The following HMG20B variants were observed in gnomAD, a reference collection of about 807,000 sequenced individuals.
The protein encoded by HMG20B is high mobility group 20B.
HMG20B carries 24 observed loss-of-function variants against 41.6 expected under a neutral mutation model. That is an observed-to-expected ratio of 0.58 (90% CI 0.42 to 0.81). HMG20B has a LOEUF of 0.81. Among genes scored for constraint, HMG20B ranks in the 30% least tolerant of loss-of-function variants. The pLI is 0.00. For synonymous variants in HMG20B, 251 were observed against 186.6 expected, an observed-to-expected ratio of 1.34 and a Z score of -2.81; for missense variants, 461 against 444.0, an observed-to-expected ratio of 1.04 and a Z score of -0.34.
chr19:3,578,635 C>G lies in HMG20B; in HGVS notation c.*114C>G. The G allele has an allele frequency of 1.5e-6, 2 of 1,325,134 alleles. No homozygotes were observed. Among genetic ancestry groups the G allele is most frequent in the Non-Finnish European group, 2.1e-6 (2 of 941,620 alleles). 82.1% of individuals were successfully genotyped at this position (1,325,134 alleles called of 1,614,324 possible). A position where few individuals can be genotyped will look rare whatever the true frequency, so the allele number is the denominator to read the frequency against. On this transcript the variant is annotated 3_prime_UTR_variant, in exon 10 of 10. Transcript: ENST00000333651. ...CTTTGGGGCCTGGTCCCATCCTGCA[C>G]CTTGGGGGCTCCAGCCCCCCTAAAA...
In HMG20B at chr19:3,576,988, C is replaced by A. The variant is rs1202174185; in HGVS notation, c.689C>A (p.Ala230Glu). 3.8e-6 allele frequency: 6 copies of A among 1,566,972 alleles called. No individual in the cohort carries two copies. Among genetic ancestry groups the A allele is most frequent in the Non-Finnish European group, 5.2e-6 (6 of 1,157,404 alleles). ...LQRHTQSMSS[A>E]RERLEQELAL... ...AGGCACACGCAGAGCATGAGCAGCG[C>A]GCGCGAGCGTCTGGAGCAGGAGCTG... The change falls in exon 8 of 10, where the codon GCG (alanine) becomes GAG (glutamate). Residue 230 changes from alanine to glutamate, a missense_variant. By Grantham distance (107) the Ala-to-Glu change is moderately radical. This residue lies in a region of HMG20B where 308 missense variants were observed against 283.4 expected (regional missense o/e 1.09). Transcript: ENST00000333651.
chr19:3,576,040 A>G (rs2015393707), intron 5 of HMG20B: 2 of 590,352 alleles, frequency 3.4e-6, no homozygotes, highest in South Asian at 2.0e-5. Flanking sequence ...CAGCCCAGGC[A>G]GGGCCTCCCT....
At chr19:3,575,008 C>T (rs550178508) in intron 4 of HMG20B, among the ~76,000 whole-genome samples, 2 of 152,254 alleles carry the variant, frequency 1.3e-5, no homozygotes, top group East Asian at 1.9e-4. Context: ...CGTTAGCCAC[C>T]GTGGCCAGCC....
At chr19:3,578,317 G>A (rs557561056) in intron 9 of HMG20B, 192 bp from the exon 10 acceptor site, 222 of 1,135,024 alleles carry the variant, frequency 2.0e-4, no homozygotes, top group Non-Finnish European at 2.7e-4. Flanking sequence ...GACCCACTCG[G>A]GGGCACCAGA....
chr19:3,574,319 G>A (rs1468921867), intron 3 of HMG20B, 64 bp from the exon 4 acceptor site: 3 of 975,570 alleles, frequency 3.1e-6, no homozygotes, highest in Non-Finnish European at 4.4e-6. Context: ...CCCCGCCCAT[G>A]CCCCTCTGAG....
rs1158002449 is a variant in HMG20B, at chr19:3,574,606, G to A, written c.351+20G>A. On this transcript the variant is annotated intron_variant, in intron 4 of 9. Coordinates refer to ENST00000333651, the MANE Select transcript of HMG20B (RefSeq NM_006339.3). ...AAGCAGGTGGGCGGGGCGGGGCGCC[G>A]AGCAGGGCTGGCGGGGTCCACGGAC... The A allele has an allele frequency of 6.4e-7, 1 of 1,569,020 alleles. No individual in the cohort carries two copies. Among genetic ancestry groups the A allele is most frequent in the Non-Finnish European group, 8.6e-7 (1 of 1,160,844 alleles).
intron 7 of HMG20B, 82 bp downstream of exon 7, chr19:3,576,707 T>G: frequency 7.3e-7 from 1 of 1,370,704 alleles, no homozygotes; most frequent in Non-Finnish European, 1.0e-6. Context: ...GCCCCAAGAC[T>G]GCAGGAGGCG....
At position 3,578,926 on chromosome 19, in the gene HMG20B, TTACCTGGGGTG is replaced by T. The variant is rs139802552; in HGVS notation, c.*407_*417del. The T allele has an allele frequency of 6.4e-3, 2,882 of 448,602 alleles. 60 individuals are homozygous for T. The highest frequency in any genetic ancestry group is 0.052 in the African/African-American group (2,628 of 50,200). The allele number at this position is 448,602 out of a possible 1,614,324, so 27.8% of individuals were successfully genotyped here. A position where few individuals can be genotyped will look rare whatever the true frequency, so the allele number is the denominator to read the frequency against. ...ACACAGGAAGCTGCCTTGTGGGGAC[TTACCTGGGGTG>T]TCCCCCGCATGCCTGTACCCCAGAT... is the stretch of plus-strand genomic sequence containing the variant. On this transcript the variant is annotated 3_prime_UTR_variant, in exon 10 of 10. Coordinates refer to ENST00000333651, the MANE Select transcript of HMG20B (RefSeq NM_006339.3).
In HMG20B at chr19:3,577,061, C is replaced by T. The variant is rs1395407745; in HGVS notation, c.762C>T (p.Ala254=). 1.9e-6 allele frequency: 3 copies of T among 1,544,184 alleles called. No homozygotes were observed. The highest frequency in any genetic ancestry group is 1.4e-5 in the African/African-American group (1 of 72,844). ...TGGCGCTGCAGCAGCAGCTCCAGGC[C>T]GTGCGCCAGGCGCTCACCGCCAGCT... is the stretch of plus-strand genomic sequence containing the variant. The part of the protein sequence containing the change: ...RTLALQQQLQ[A]VRQALTASFA... Residue 254 remains alanine (A), a synonymous_variant, in exon 8 of 10, where the codon GCC becomes GCT. Transcript: ENST00000333651.
intron 7 of HMG20B, 53 bp downstream of exon 7, chr19:3,576,678 G>C (rs933703924): frequency 1.7e-5 from 26 of 1,524,554 alleles, no homozygotes; most frequent in Middle Eastern, 1.7e-4. Context: ...GGTGGTAGAG[G>C]GGGGCGTGGG....
chr19:3,575,734 T>A, intron 5 of HMG20B, 74 bp downstream of exon 5: 1 of 1,344,196 alleles, frequency 7.4e-7, no homozygotes, highest in Non-Finnish European at 1.0e-6. Flanking sequence ...GTGTATCACC[T>A]GAGGTCAGAC....
At chr19:3,573,558 C>G (rs551494803) in intron 2 of HMG20B, 134 bp from the exon 3 acceptor site, 1 of 931,010 alleles carries the variant, frequency 1.1e-6, no homozygotes, top group East Asian at 3.0e-5. Context: ...ATACTGACCC[C>G]ATCAGACCCT....
At chr19:3,577,185 C>T (rs868789368) in intron 8 of HMG20B, 78 bp downstream of exon 8, 216 of 1,088,772 alleles carry the variant, frequency 2.0e-4, no homozygotes, top group Non-Finnish European at 2.5e-4. Context: ...TCCCTTCCCC[C>T]CTTCCCCTGT....
At position 3,578,843 on chromosome 19, in the gene HMG20B, C is replaced by A; in HGVS notation, c.*322C>A. On this transcript the variant is annotated 3_prime_UTR_variant, in exon 10 of 10. Transcript: ENST00000333651. ...AGGACACAGGGCAGACGAAACCCAC[C>A]CCCAGCACACGGCAGGACCCCCCAA... 1.6e-6 allele frequency: 1 copy of A among 640,494 alleles called. No individual in the cohort carries two copies. Among genetic ancestry groups the A allele is most frequent in the South Asian group, 1.5e-5 (1 of 67,550 alleles). 39.7% of individuals were successfully genotyped at this position (640,494 alleles called of 1,614,324 possible).
intron 8 of HMG20B, among the ~76,000 whole-genome samples, chr19:3,577,509 C>T (rs1599857255): frequency 6.8e-6 from 1 of 146,368 alleles, no homozygotes; most frequent in African/African-American, 2.6e-5. Context: ...ACCGGCCCCA[C>T]CGTCGCTGGC....
At position 3,576,243 on chromosome 19, in the gene HMG20B, C is replaced by T. The variant is rs1363776510; in HGVS notation, c.473-18C>T. 4 of 1,613,294 alleles carry T rather than the reference C, an allele frequency of 2.5e-6. No individual in the cohort carries two copies. Among genetic ancestry groups the T allele is most frequent in the Non-Finnish European group, 1.7e-6 (2 of 1,179,484 alleles). The stretch of plus-strand genomic sequence containing the variant: ...GGAGGCCTGGGAGGCTGACCCTGCC[C>T]TTCCCCTCCCCCGCCAGAAGACTCG... On this transcript the variant is annotated intron_variant, in intron 5 of 9. Coordinates refer to ENST00000333651, the MANE Select transcript of HMG20B (RefSeq NM_006339.3).
intron 4 of HMG20B, 32 bp from the exon 5 acceptor site, chr19:3,575,508 C>G: frequency 6.4e-7 from 1 of 1,558,472 alleles, no homozygotes; most frequent in Non-Finnish European, 8.7e-7. Context: ...GGAGGCTTCC[C>G]CTGCTTCAAG....
rs1383186410 is a variant in HMG20B, at chr19:3,575,214, A to AC, written c.352-326_352-325insC. On this transcript the variant is annotated intron_variant, in intron 4 of 9. Coordinates refer to ENST00000333651, the MANE Select transcript of HMG20B (RefSeq NM_006339.3). ...AGCCATCACTGCTTTGCATCCCTGT[A>AC]AGTGAGATTTCAAAGAGAGAAACGG... Among the ~76,000 whole-genome samples, 3 of 152,308 alleles carry AC rather than the reference A, an allele frequency of 2.0e-5. No homozygotes were observed. In the South Asian group the frequency reaches 6.2e-4, roughly 32 times the overall value.
Position 3,578,131 on chromosome 19 carries a change from C to G in HMG20B, c.941+18C>G. Reference sequence around the variant, plus strand: ...GTCGCCAGGTGTGTGCCGGGCGAGGCGGGGCGGGGCCGGGGTTCAAGGCCC... The same window carrying G: ...GTCGCCAGGTGTGTGCCGGGCGAGGGGGGGCGGGGCCGGGGTTCAAGGCCC... On this transcript the variant is annotated intron_variant, in intron 9 of 9. Transcript: ENST00000333651. The G allele has an allele frequency of 6.2e-7, 1 of 1,606,520 alleles. No homozygotes were observed. The highest frequency in any genetic ancestry group is 8.5e-7 in the Non-Finnish European group (1 of 1,177,514).
Sources: allele counts gnomAD v4.1 joint callset (sites outside exome capture counted in the v4.1 genomes callset), GRCh38; gene constraint gnomAD v4.1.1; regional missense constraint gnomAD v4.1.1; transcripts MANE v1.5; gene names NCBI Gene and HGNC (gene_info 2026-07-23, HGNC 2026-07-21).